The following SLC2A14 variants were observed in gnomAD, a reference collection of about 807,000 sequenced individuals.
SLC2A14 encodes solute carrier family 2, facilitated glucose transporter member 14.
Under a neutral mutation model 43.0 loss-of-function variants are expected in SLC2A14, and 13 were observed. That is an observed-to-expected ratio of 0.30 (90% CI 0.20 to 0.48). The LOEUF (loss-of-function observed/expected upper bound fraction) is 0.48. Among genes scored for constraint, SLC2A14 ranks in the 20% least tolerant of loss-of-function variants. The pLI is 0.99. For synonymous variants in SLC2A14, 190 were observed against 233.8 expected, an observed-to-expected ratio of 0.81 and a Z score of 1.71; for missense variants, 428 against 620.4, an observed-to-expected ratio of 0.69 and a Z score of 3.29.
chr12:7,871,238 C>T, intron 1 of SLC2A14: 1 of 1,224,936 alleles, frequency 8.2e-7, no homozygotes, highest in African/African-American at 1.6e-5. Flanking sequence ...GAGCTGCTCA[C>T]CACCATGGGT....
At chr12:7,852,412 T>G (rs1244006007) in intron 2 of SLC2A14, among the ~76,000 whole-genome samples, 1 of 152,166 alleles carries the variant, frequency 6.6e-6, no homozygotes, top group Non-Finnish European at 1.5e-5. Flanking sequence ...TCTAGAAAGA[T>G]TATTCACAGA....
At chr12:7,863,066 C>T (rs1311848955) in intron 2 of SLC2A14, among the ~76,000 whole-genome samples, 3 of 152,148 alleles carry the variant, frequency 2.0e-5, no homozygotes, top group Non-Finnish European at 2.9e-5. Flanking sequence ...TGTTGTTTCA[C>T]TCTTTGCAAT....
At chr12:7,888,737 G>T (rs1205464291) in intron 1 of SLC2A14, among the ~76,000 whole-genome samples, 2 of 146,560 alleles carry the variant, frequency 1.4e-5, no homozygotes, top group Admixed American at 7.0e-5. Flanking sequence ...GGTAGAGGTT[G>T]CAGTGAGCTG....
At chr12:7,850,824 G>A (rs1866876938) in intron 2 of SLC2A14, 1 of 152,186 alleles carries the variant, frequency 6.6e-6, no homozygotes, top group Non-Finnish European at 1.5e-5. Context: ...CAGCTATGAA[G>A]GAAAATCTTA....
At chr12:7,890,820 C>CT (rs767062537) in intron 1 of SLC2A14, 14 of 549,156 alleles carry the variant, frequency 2.5e-5, no homozygotes, top group Non-Finnish European at 3.2e-5. Context: ...GGTACCTGCC[C>CT]TTTGGACAGC....
intron 2 of SLC2A14, among the ~76,000 whole-genome samples, chr12:7,868,441 T>C (rs758541057): frequency 1.6e-4 from 25 of 152,264 alleles, no homozygotes; most frequent in Admixed American, 5.9e-4. Flanking sequence ...GCACTATCTC[T>C]GAGGTATGCC....
chr12:7,823,749 T>C (rs569244602), intron 7 of SLC2A14, among the ~76,000 whole-genome samples: 4 of 151,842 alleles, frequency 2.6e-5, no homozygotes, highest in African/African-American at 9.7e-5. Flanking sequence ...TATTGAAATA[T>C]TGGACTCAGA....
At chr12:7,855,243 T>C (rs774602074) in intron 2 of SLC2A14, among the ~76,000 whole-genome samples, 1 of 152,278 alleles carries the variant, frequency 6.6e-6, no homozygotes, top group South Asian at 2.1e-4. Flanking sequence ...AAGACAGTTA[T>C]GTCAATTTCA....
At chr12:7,889,740 T>A (rs1468962473) in intron 1 of SLC2A14, among the ~76,000 whole-genome samples, 2 of 151,836 alleles carry the variant, frequency 1.3e-5, no homozygotes, top group Non-Finnish European at 2.9e-5. Context: ...TCCATTATAT[T>A]GGTCAGGCTG....
chr12:7,874,925 A>T (rs1055372914), upstream of SLC2A14, among the ~76,000 whole-genome samples: 4 of 53,006 alleles, frequency 7.5e-5, no homozygotes, highest in East Asian at 2.6e-3. Flanking sequence ...ATAAATATAT[A>T]TTTATATATA....
chr12:7,835,813 C>T (rs976078637), intron 2 of SLC2A14, among the ~76,000 whole-genome samples: 1 of 152,186 alleles, frequency 6.6e-6, no homozygotes, highest in South Asian at 2.1e-4. Flanking sequence ...TCATAAAGAA[C>T]GACTTTTGTT....
At chr12:7,858,382 T>C (rs1944368179) in intron 2 of SLC2A14, among the ~76,000 whole-genome samples, 1 of 152,184 alleles carries the variant, frequency 6.6e-6, no homozygotes, top group African/African-American at 2.4e-5. Context: ...AAAAGGACTT[T>C]ACATATTCTA....
intron 2 of SLC2A14, among the ~76,000 whole-genome samples, chr12:7,838,882 G>A (rs1865682705): frequency 6.6e-6 from 1 of 152,162 alleles, no homozygotes; most frequent in African/African-American, 2.4e-5. Context: ...AGTCACTAGG[G>A]TGGGGCTCTA....
chr12:7,844,543 C>CCTT (rs1555134863), intron 2 of SLC2A14, among the ~76,000 whole-genome samples: 1 of 146,142 alleles, frequency 6.8e-6, no homozygotes, highest in African/African-American at 2.5e-5. Flanking sequence ...TAGTAAACTC[C>CCTT]TTTTTTTTTT....
chr12:7,867,844 CAAAAA>C (rs34320554), intron 2 of SLC2A14, among the ~76,000 whole-genome samples: 1 of 112,230 alleles, frequency 8.9e-6, no homozygotes. Flanking sequence ...GACTCTGTCT[CAAAAA>C]AAAAAAAAAA....
chr12:7,847,368 CT>C (rs1293223443), intron 2 of SLC2A14, among the ~76,000 whole-genome samples: 1 of 152,094 alleles, frequency 6.6e-6, no homozygotes, highest in Non-Finnish European at 1.5e-5. Flanking sequence ...CACTGCTTCA[CT>C]TGACTAGCTT....
chr12:7,824,139 C>T (rs1446998237), intron 7 of SLC2A14, among the ~76,000 whole-genome samples: 2 of 151,800 alleles, frequency 1.3e-5, no homozygotes, highest in African/African-American at 4.8e-5. Context: ...GCCTGTAGTC[C>T]CAGCTACTCA....
At chr12:7,826,808 C>T (rs898352094) in intron 7 of SLC2A14, among the ~76,000 whole-genome samples, 8 of 148,958 alleles carry the variant, frequency 5.4e-5, no homozygotes, top group Admixed American at 6.7e-5. Flanking sequence ...TACTTCCAGG[C>T]TCGCTCTTTT....
intron 2 of SLC2A14, among the ~76,000 whole-genome samples, chr12:7,846,964 C>T (rs1336554306): frequency 1.3e-5 from 2 of 148,172 alleles, no homozygotes; most frequent in East Asian, 2.2e-4. Context: ...AGAAAATATA[C>T]CTGTGGCGGC....
Sources: allele counts gnomAD v4.1 joint callset (sites outside exome capture counted in the v4.1 genomes callset), GRCh38; gene constraint gnomAD v4.1.1; transcripts MANE v1.5; gene names NCBI Gene and HGNC (gene_info 2026-07-23, HGNC 2026-07-21).